The following SGCD variants were observed in gnomAD, a reference collection of about 807,000 sequenced individuals.
The protein encoded by SGCD is sarcoglycan delta, also known as delta-sarcoglycan.
A neutral mutation model predicts 36.6 loss-of-function variants in SGCD; 18 were observed. The ratio of observed to expected loss-of-function variants is 0.49; its 90% confidence interval spans 0.34 to 0.73. The LOEUF (loss-of-function observed/expected upper bound fraction) is 0.73, where lower values mean the gene tolerates loss of function less well. Ranked by LOEUF, SGCD falls within the 30% of genes least tolerant of loss-of-function variation. SGCD has a pLI of 0.01. For missense variants in SGCD, 387 were observed against 346.7 expected (o/e 1.12, Z -0.92); for synonymous variants, 133 against 130.6 (o/e 1.02, Z -0.12).
At chr5:156,136,308 T>C (rs1213346676) in intron 3 of SGCD, among the ~76,000 whole-genome samples, 2 of 152,204 alleles carry the variant, frequency 1.3e-5, no homozygotes, top group Non-Finnish European at 2.9e-5. Flanking sequence ...AGGCAGGGAC[T>C]TGCCAAATTG....
intron 3 of SGCD, among the ~76,000 whole-genome samples, chr5:156,285,844 A>C (rs1162508353): frequency 6.6e-6 from 1 of 152,166 alleles, no homozygotes; most frequent in Admixed American, 6.5e-5. Flanking sequence ...TAAACTAAAG[A>C]GCTTCTGCAC....
At chr5:156,710,415 C>T (rs996344123) in intron 7 of SGCD, among the ~76,000 whole-genome samples, 3 of 152,158 alleles carry the variant, frequency 2.0e-5, no homozygotes, top group African/African-American at 7.2e-5. Context: ...TATGAAAAAG[C>T]CAAACTCTGC....
chr5:156,209,108 C>T (rs560312700), intron 3 of SGCD, among the ~76,000 whole-genome samples: 1 of 152,244 alleles, frequency 6.6e-6, no homozygotes, highest in South Asian at 2.1e-4. Flanking sequence ...ACAGGCCCCC[C>T]ACAGCCACAG....
chr5:156,475,081 A>G (rs1755122547), intron 3 of SGCD, among the ~76,000 whole-genome samples: 2 of 152,208 alleles, frequency 1.3e-5, no homozygotes, highest in African/African-American at 2.4e-5. Flanking sequence ...CCTGCAAAAT[A>G]TGCCAGGCTC....
chr5:155,862,807 A>G, the SGCD span, among the ~76,000 whole-genome samples: 327 of 152,314 alleles, frequency 2.1e-3, 1 homozygote, highest in Non-Finnish European at 3.7e-3. Context: ...CCTTTAAATG[A>G]CATAGTGAAG....
intron 1 of SGCD, among the ~76,000 whole-genome samples, chr5:155,907,025 G>A (rs1371869448): frequency 6.6e-6 from 1 of 152,126 alleles, no homozygotes; most frequent in Non-Finnish European, 1.5e-5. Context: ...GGAGGCTAAT[G>A]CAGCTAGTGA....
At chr5:156,455,658 G>C (rs1456296390) in intron 3 of SGCD, among the ~76,000 whole-genome samples, 1 of 152,066 alleles carries the variant, frequency 6.6e-6, no homozygotes, top group East Asian at 1.9e-4. Flanking sequence ...TGGGGAACCA[G>C]CACTTTCTCC....
the SGCD span, among the ~76,000 whole-genome samples, chr5:155,776,603 T>A: frequency 6.6e-6 from 1 of 152,120 alleles, no homozygotes; most frequent in Non-Finnish European, 1.5e-5. Flanking sequence ...CAAAGCACTT[T>A]GATTGGCAAG....
chr5:156,598,944 G>A (rs116472737), intron 6 of SGCD, among the ~76,000 whole-genome samples: 2,392 of 152,248 alleles, frequency 0.016, 62 homozygotes, highest in African/African-American at 0.054. Context: ...GCATAATGTA[G>A]GATAAAATCT....
chr5:156,285,646 T>A (rs1026867641), intron 3 of SGCD, among the ~76,000 whole-genome samples: 9 of 152,204 alleles, frequency 5.9e-5, no homozygotes, highest in African/African-American at 2.2e-4. Context: ...ACTGGATCCC[T>A]TCCTTACACC....
intron 3 of SGCD, among the ~76,000 whole-genome samples, chr5:156,191,720 G>C (rs979003027): frequency 6.6e-6 from 1 of 152,120 alleles, no homozygotes; most frequent in African/African-American, 2.4e-5. Flanking sequence ...AGCTCAAAGA[G>C]AGAGACATTC....
upstream of SGCD, among the ~76,000 whole-genome samples, chr5:155,869,507 G>A (rs1398944384): frequency 6.6e-6 from 1 of 152,068 alleles, no homozygotes; most frequent in Non-Finnish European, 1.5e-5. Context: ...TTTTATAGAT[G>A]TGGATACTGA....
At position 156,354,689 on chromosome 5, in the gene SGCD, G is replaced by A. The variant is rs1235191334; in HGVS notation, c.192+10012G>A. 3.3e-5 allele frequency among the ~76,000 whole-genome samples: 5 copies of A among 152,216 alleles called. No individual in the cohort carries two copies. The East Asian group carries it at 9.6e-4, about 29-fold the overall frequency. On this transcript the variant is annotated intron_variant, in intron 3 of 8. Transcript: ENST00000337851. The stretch of plus-strand genomic sequence containing the variant: ...GGAAACTTCAGTTCTTACTGGTCAT[G>A]TTGCTGTGAGCTCTGAATAACTCTC...
At chr5:156,396,499 A>G (rs897394937) in intron 3 of SGCD, among the ~76,000 whole-genome samples, 1 of 152,062 alleles carries the variant, frequency 6.6e-6, no homozygotes, top group Admixed American at 6.5e-5. Flanking sequence ...GGGGTTTTGG[A>G]GAGAAAATAT....
intron 1 of SGCD, among the ~76,000 whole-genome samples, chr5:155,996,314 G>T (rs1201710982): frequency 6.6e-6 from 1 of 152,056 alleles, no homozygotes; most frequent in Non-Finnish European, 1.5e-5. Flanking sequence ...AGTGTCTGCT[G>T]TTCCCCTCTT....
the SGCD span, among the ~76,000 whole-genome samples, chr5:155,741,687 CT>C: frequency 0.2 from 26,943 of 132,198 alleles, 2,982 homozygotes; most frequent in Admixed American, 0.39. Flanking sequence ...CTTTTCTTTT[CT>C]TTTTTTTTTT....
At chr5:155,746,944 C>G in the SGCD span, among the ~76,000 whole-genome samples, 22 of 152,254 alleles carry the variant, frequency 1.4e-4, no homozygotes, top group African/African-American at 5.1e-4. Flanking sequence ...TTGGGGCATT[C>G]TTTTCTGCAC....
intron 3 of SGCD, among the ~76,000 whole-genome samples, chr5:156,267,077 G>C (rs1766019216): frequency 6.6e-6 from 1 of 152,126 alleles, no homozygotes; most frequent in Non-Finnish European, 1.5e-5. Context: ...CCTTCAGCAA[G>C]TCATTGAACT....
At chr5:156,454,979 A>G (rs1754189465) in intron 3 of SGCD, among the ~76,000 whole-genome samples, 2 of 152,190 alleles carry the variant, frequency 1.3e-5, no homozygotes, top group Non-Finnish European at 2.9e-5. Flanking sequence ...CCCTTCTGCA[A>G]TGTGCCTTCA....
Sources: allele counts gnomAD v4.1 joint callset (sites outside exome capture counted in the v4.1 genomes callset), GRCh38; gene constraint gnomAD v4.1.1; transcripts MANE v1.5; gene names NCBI Gene and HGNC (gene_info 2026-07-23, HGNC 2026-07-21).